The following PCDHA13 variants were observed in gnomAD, a reference collection of about 807,000 sequenced individuals.
PCDHA13 encodes the protein protocadherin alpha-13.
Under a neutral mutation model 64.8 loss-of-function variants are expected in PCDHA13, and 54 were observed. That is an observed-to-expected ratio of 0.83 (90% confidence interval 0.67 to 1.04). The LOEUF is 1.04. Ranked by LOEUF, PCDHA13 falls within the 50% of genes least tolerant of loss-of-function variation. The probability of loss-of-function intolerance (pLI) is 0.00; values close to 1 mark genes in which losing one functional copy is unlikely to be tolerated. For synonymous variants in PCDHA13, 587 were observed against 564.4 expected (o/e 1.04, Z -0.57); for missense variants, 1,248 against 1,254.3 (o/e 0.99, Z 0.08).
intron 1 of PCDHA13, among the ~76,000 whole-genome samples, chr5:140,915,401 A>G (rs536178543): frequency 1.3e-5 from 2 of 152,300 alleles, no homozygotes; most frequent in African/African-American, 4.8e-5. Flanking sequence ...TATTTCTTAT[A>G]GTCTTTGCAG....
chr5:140,970,270 T>C (rs2096394574), intron 1 of PCDHA13, among the ~76,000 whole-genome samples: 1 of 152,234 alleles, frequency 6.6e-6, no homozygotes, highest in Non-Finnish European at 1.5e-5. Context: ...TTTGATGAGA[T>C]GTAAAGTAGC....
intron 1 of PCDHA13, among the ~76,000 whole-genome samples, chr5:140,975,450 G>T (rs1175028711): frequency 6.6e-6 from 1 of 152,174 alleles, no homozygotes. Context: ...AGGGATCTTG[G>T]GGCCATCTTG....
At chr5:140,918,074 G>T (rs546551059) in intron 1 of PCDHA13, among the ~76,000 whole-genome samples, 1 of 152,096 alleles carries the variant, frequency 6.6e-6, no homozygotes, top group South Asian at 2.1e-4. Context: ...TCTTTCAGTA[G>T]TGTTTTATAA....
At chr5:141,007,426 G>A (rs1255100179) in intron 3 of PCDHA13, among the ~76,000 whole-genome samples, 4 of 151,118 alleles carry the variant, frequency 2.6e-5, no homozygotes, top group Non-Finnish European at 5.9e-5. Flanking sequence ...AAATTAGCCA[G>A]GCATGGTGGC....
intron 1 of PCDHA13, among the ~76,000 whole-genome samples, chr5:140,911,002 C>A (rs1216727256): frequency 6.6e-6 from 1 of 152,114 alleles, no homozygotes; most frequent in Non-Finnish European, 1.5e-5. Context: ...CCCTAGGGCC[C>A]TCCTGGGACT....
chr5:140,948,108 G>A (rs902891466), intron 1 of PCDHA13, among the ~76,000 whole-genome samples: 2 of 151,096 alleles, frequency 1.3e-5, no homozygotes, highest in Non-Finnish European at 3.0e-5. Context: ...ATTTTTCTTC[G>A]TTTTACTAAT....
chr5:140,993,891 C>G (rs2097585722), intron 3 of PCDHA13, among the ~76,000 whole-genome samples: 1 of 152,096 alleles, frequency 6.6e-6, no homozygotes. Flanking sequence ...CTATGATGTC[C>G]ATACAACAAA....
intron 1 of PCDHA13, chr5:140,967,579 C>T: frequency 7.4e-6 from 12 of 1,614,154 alleles, no homozygotes; most frequent in Non-Finnish European, 9.3e-6. Context: ...AGGACTCACC[C>T]CCAGGCACAT....
intron 3 of PCDHA13, among the ~76,000 whole-genome samples, chr5:140,991,017 C>G (rs1440489095): frequency 6.6e-6 from 1 of 152,178 alleles, no homozygotes; most frequent in Non-Finnish European, 1.5e-5. Context: ...GTGATAAGCA[C>G]TTTACATATG....
chr5:140,933,567 A>G lies in PCDHA13; in HGVS notation c.2395-45382A>G, dbSNP rs146986632. ...AATATAAAATAAAAACCAATTAAGA[A>G]GTCTTAATAGTGGGTTTTTAGGTTG... On this transcript the variant is annotated intron_variant, in intron 1 of 3. Coordinates refer to ENST00000289272, the MANE Select transcript of PCDHA13 (RefSeq NM_018904.3). Among the ~76,000 whole-genome samples the G allele has an allele frequency of 5.4e-3, 827 of 152,184 alleles. 4 individuals are homozygous for G. Among genetic ancestry groups the G allele is most frequent in the African/African-American group, 0.019 (796 of 41,566 alleles).
intron 1 of PCDHA13, among the ~76,000 whole-genome samples, chr5:140,906,354 A>C (rs552915845): frequency 3.8e-4 from 58 of 152,336 alleles, no homozygotes; most frequent in South Asian, 1.7e-3. Context: ...GAATGCACCA[A>C]TTCCCAACCC....
At chr5:141,000,410 TATATA>T in intron 3 of PCDHA13, among the ~76,000 whole-genome samples, 1 of 101,974 alleles carries the variant, frequency 9.8e-6, no homozygotes, top group African/African-American at 3.9e-5. Context: ...TATATATATA[TATATA>T]TATATATTTT....
chr5:140,981,603 C>T (rs1213864255), intron 2 of PCDHA13, among the ~76,000 whole-genome samples: 4 of 152,052 alleles, frequency 2.6e-5, no homozygotes, highest in Non-Finnish European at 5.9e-5. Context: ...CAAAATGTTC[C>T]TCTAATTTTG....
intron 1 of PCDHA13, chr5:140,969,097 C>G (rs2096295003): frequency 6.2e-7 from 1 of 1,614,072 alleles, no homozygotes; most frequent in African/African-American, 1.3e-5. Flanking sequence ...TGCAGCCTCA[C>G]TTCATTGAAG....
chr5:140,929,566 C>A, intron 1 of PCDHA13: 2 of 459,566 alleles, frequency 4.4e-6, no homozygotes, highest in Admixed American at 4.2e-5. Flanking sequence ...TATTTAAGAA[C>A]AATAAAAGTA....
At chr5:140,961,743 A>G (rs1585893660) in intron 1 of PCDHA13, among the ~76,000 whole-genome samples, 1 of 152,170 alleles carries the variant, frequency 6.6e-6, no homozygotes, top group East Asian at 1.9e-4. Flanking sequence ...CTTTAGTAAT[A>G]TTACAGTTTT....
intron 1 of PCDHA13, among the ~76,000 whole-genome samples, chr5:140,978,653 G>T (rs527551897): frequency 6.6e-6 from 1 of 152,196 alleles, no homozygotes; most frequent in Non-Finnish European, 1.5e-5. Flanking sequence ...TGTTCTTCCC[G>T]TAGTGTTTTA....
At chr5:140,904,018 A>G (rs2070774543) in intron 1 of PCDHA13, among the ~76,000 whole-genome samples, 1 of 152,198 alleles carries the variant, frequency 6.6e-6, no homozygotes. Context: ...TTAAAAAATA[A>G]TGGTATAATT....
chr5:141,010,193 T>C lies in PCDHA13; in HGVS notation c.*256T>C, dbSNP rs782116962. Reference sequence around the variant, plus strand: ...CCTAAAAAGCAGACCCAAGTTTCCTTTCTCCTCCGCCGCAAAGGAGAGGCT... The same window carrying C: ...CCTAAAAAGCAGACCCAAGTTTCCTCTCTCCTCCGCCGCAAAGGAGAGGCT... On this transcript the variant is annotated 3_prime_UTR_variant, in exon 4 of 4. Transcript: ENST00000289272. 7.7e-6 allele frequency: 12 copies of C among 1,552,398 alleles called. No individual in the cohort carries two copies. The South Asian group carries it at 1.3e-4, about 17-fold the overall frequency.
Sources: allele counts gnomAD v4.1 joint callset (sites outside exome capture counted in the v4.1 genomes callset), GRCh38; gene constraint gnomAD v4.1.1; transcripts MANE v1.5; gene names NCBI Gene and HGNC (gene_info 2026-07-23, HGNC 2026-07-21).